Variants in ADAM23 observed in about 807,000 individuals in gnomAD.
ADAM23 encodes the protein ADAM metallopeptidase domain 23.
Under a neutral mutation model 120.1 loss-of-function variants are expected in ADAM23, and 33 were observed. The ratio of observed to expected loss-of-function variants is 0.27; its 90% CI spans 0.21 to 0.37. ADAM23 has a LOEUF of 0.37. Among genes scored for constraint, ADAM23 ranks in the 10% least tolerant of loss-of-function variants. The probability of loss-of-function intolerance (pLI) is 1.00; values close to 1 mark genes in which losing one functional copy is unlikely to be tolerated. For synonymous variants in ADAM23, 367 were observed against 375.2 expected (o/e 0.98, Z 0.25); for missense variants, 862 against 1,058.2 (o/e 0.81, Z 2.57).
chr2:206,543,281 T>A lies in ADAM23; in HGVS notation c.685T>A (p.Tyr229Asn). Residue 229 changes from tyrosine (Y) to asparagine (N), a missense_variant, in exon 6 of 26, where the codon TAT becomes AAT. Physicochemically the swap from Tyr to Asn is moderately radical, Grantham distance 143. Transcript: ENST00000264377. ...CATGTTTGAAGATGATACCTTCGTG[T>A]ATATGATAGAGCCACTAGAGCTGGT... ...HGMFEDDTFVYMIEPLELVHD... is the reference protein window; with the variant it reads ...HGMFEDDTFVNMIEPLELVHD... The A allele has an allele frequency of 6.2e-7, 1 of 1,614,100 alleles. No individual in the cohort carries two copies. The highest frequency in any genetic ancestry group is 8.5e-7 in the Non-Finnish European group (1 of 1,179,978).
chr2:206,498,874 G>A (rs1696318046), intron 3 of ADAM23, among the ~76,000 whole-genome samples: 1 of 152,180 alleles, frequency 6.6e-6, no homozygotes, highest in African/African-American at 2.4e-5. Context: ...AGATATTTAT[G>A]CAGCCAAAAA....
At chr2:206,461,503 T>G (rs571882069) in intron 2 of ADAM23, among the ~76,000 whole-genome samples, 2 of 152,298 alleles carry the variant, frequency 1.3e-5, no homozygotes, top group Non-Finnish European at 2.9e-5. Flanking sequence ...TAGATTTAAA[T>G]TTCCTAATTT....
At chr2:206,580,613 G>A (rs1020748254) in intron 18 of ADAM23, among the ~76,000 whole-genome samples, 6 of 152,162 alleles carry the variant, frequency 3.9e-5, no homozygotes, top group African/African-American at 1.4e-4. Flanking sequence ...GTTGGATTCA[G>A]TTAGCTAGTA....
chr2:206,583,673 T>C (rs1314863611), intron 18 of ADAM23, among the ~76,000 whole-genome samples: 2 of 152,050 alleles, frequency 1.3e-5, no homozygotes, highest in Non-Finnish European at 2.9e-5. Flanking sequence ...TCCAGAGCAT[T>C]TCACATTCTA....
intron 3 of ADAM23, among the ~76,000 whole-genome samples, chr2:206,512,925 A>C (rs1288592108): frequency 6.6e-6 from 1 of 152,076 alleles, no homozygotes; most frequent in Non-Finnish European, 1.5e-5. Flanking sequence ...ATGATCTGTG[A>C]TCAGTGATGT....
intron 16 of ADAM23, 40 bp from the exon 17 acceptor site, chr2:206,571,687 G>A (rs377751723): frequency 2.7e-6 from 4 of 1,483,048 alleles, no homozygotes; most frequent in Non-Finnish European, 3.8e-6. Context: ...TGACCAGCAG[G>A]TAAGGCTCTT....
chr2:206,607,918 G>T, intron 24 of ADAM23: 1 of 424,308 alleles, frequency 2.4e-6, no homozygotes, highest in Non-Finnish European at 4.6e-6. Context: ...TATAAGTCAG[G>T]AATCATTTTT....
intron 3 of ADAM23, among the ~76,000 whole-genome samples, chr2:206,496,783 G>T (rs1559234271): frequency 6.6e-6 from 1 of 151,732 alleles, no homozygotes; most frequent in South Asian, 2.1e-4. Context: ...AAAGAGAGAA[G>T]AATCAAATAG....
intron 3 of ADAM23, among the ~76,000 whole-genome samples, chr2:206,482,791 G>C (rs879057868): frequency 6.6e-6 from 1 of 152,160 alleles, no homozygotes; most frequent in Admixed American, 6.6e-5. Flanking sequence ...TAGCACCAAG[G>C]AGTGGCAGCT....
At chr2:206,546,266 C>T (rs1697394334) in intron 6 of ADAM23, among the ~76,000 whole-genome samples, 1 of 152,078 alleles carries the variant, frequency 6.6e-6, no homozygotes, top group South Asian at 2.1e-4. Context: ...TGTTGCTGAT[C>T]CCATTGTTAA....
At chr2:206,589,128 A>G (rs1698380206) in intron 20 of ADAM23, among the ~76,000 whole-genome samples, 1 of 152,184 alleles carries the variant, frequency 6.6e-6, no homozygotes, top group Non-Finnish European at 1.5e-5. Context: ...AGAGAAATTT[A>G]TTTCTCAGGC....
intron 3 of ADAM23, among the ~76,000 whole-genome samples, chr2:206,512,409 T>C (rs773232451): frequency 1.3e-5 from 2 of 152,196 alleles, no homozygotes; most frequent in African/African-American, 4.8e-5. Context: ...TTGCTAGCTA[T>C]TTCAAAAATG....
intron 18 of ADAM23, among the ~76,000 whole-genome samples, chr2:206,582,601 G>A (rs965980730): frequency 1.3e-5 from 2 of 152,018 alleles, no homozygotes; most frequent in African/African-American, 4.8e-5. Flanking sequence ...GTGTGCTTTG[G>A]TTTTGTTTTT....
intron 9 of ADAM23, among the ~76,000 whole-genome samples, chr2:206,550,727 G>A (rs1013863565): frequency 1.3e-5 from 2 of 150,486 alleles, no homozygotes; most frequent in African/African-American, 2.4e-5. Context: ...TCAGCCTCCC[G>A]AGTAGCTGGG....
intron 2 of ADAM23, among the ~76,000 whole-genome samples, chr2:206,471,935 C>T (rs897003810): frequency 2.0e-5 from 3 of 152,180 alleles, no homozygotes; most frequent in Non-Finnish European, 2.9e-5. Flanking sequence ...TGCTGCTTTA[C>T]CCATTTTAAA....
chr2:206,561,805 A>C (rs1274987285), intron 12 of ADAM23, among the ~76,000 whole-genome samples: 1 of 152,220 alleles, frequency 6.6e-6, no homozygotes, highest in African/African-American at 2.4e-5. Flanking sequence ...ATACCAGGTT[A>C]TCTCAATAGC....
intron 2 of ADAM23, among the ~76,000 whole-genome samples, chr2:206,458,808 C>T (rs973793668): frequency 6.6e-6 from 1 of 152,160 alleles, no homozygotes; most frequent in Non-Finnish European, 1.5e-5. Flanking sequence ...CGAAACCAAA[C>T]CTAAGAAATA....
intron 2 of ADAM23, among the ~76,000 whole-genome samples, chr2:206,466,489 T>A (rs1050385962): frequency 5.3e-5 from 8 of 152,204 alleles, no homozygotes; most frequent in African/African-American, 1.4e-4. Flanking sequence ...TCATTTAAAC[T>A]CTAGCTCTAT....
At position 206,492,213 on chromosome 2, in the gene ADAM23, C is replaced by T. The variant is rs141225009; in HGVS notation, c.509+10905C>T. ...CCAGATTAGAGGTAGAAATGGATAA[C>T]AAGGTAAATGTTTATGGAGCTAAAT... On this transcript the variant is annotated intron_variant, in intron 3 of 25. Transcript: ENST00000264377. Among the ~76,000 whole-genome samples the T allele has an allele frequency of 5.0e-3, 760 of 152,246 alleles. 5 individuals carry two copies. Among genetic ancestry groups the T allele is most frequent in the Non-Finnish European group, 7.2e-3 (491 of 68,016 alleles).
Sources: allele counts gnomAD v4.1 joint callset (sites outside exome capture counted in the v4.1 genomes callset), GRCh38; gene constraint gnomAD v4.1.1; transcripts MANE v1.5; gene names NCBI Gene and HGNC (gene_info 2026-07-23, HGNC 2026-07-21).